Variants in KCNH5 observed in about 807,000 individuals in gnomAD.
The protein encoded by KCNH5 is potassium voltage-gated channel subfamily H member 5, also known as voltage-gated delayed rectifier potassium channel KCNH5.
KCNH5 carries 46 observed loss-of-function variants against 96.1 expected under a neutral mutation model. The observed-to-expected ratio is 0.48, with a 90% CI of 0.38 to 0.61. KCNH5 has a LOEUF of 0.61. Among genes scored for constraint, KCNH5 ranks in the 20% least tolerant of loss-of-function variants. KCNH5 has a pLI of 0.00. For synonymous variants in KCNH5, 439 were observed against 449.8 expected, an observed-to-expected ratio of 0.98 and a Z score of 0.30; for missense variants, 907 against 1,225.8, an observed-to-expected ratio of 0.74 and a Z score of 3.88.
At chr14:62,772,771 G>A (rs1304547061) in intron 10 of KCNH5, among the ~76,000 whole-genome samples, 1 of 151,544 alleles carries the variant, frequency 6.6e-6, no homozygotes, top group Non-Finnish European at 1.5e-5. Flanking sequence ...TTATCAGCAA[G>A]ACAATATTAC....
At chr14:62,959,395 G>A (rs900497000) in intron 6 of KCNH5, among the ~76,000 whole-genome samples, 4 of 152,046 alleles carry the variant, frequency 2.6e-5, no homozygotes, top group African/African-American at 9.7e-5. Flanking sequence ...TATCACACCT[G>A]ATAAAACCTA....
intron 8 of KCNH5, among the ~76,000 whole-genome samples, chr14:62,826,309 T>C (rs1206111425): frequency 6.6e-6 from 1 of 152,066 alleles, no homozygotes; most frequent in African/African-American, 2.4e-5. Context: ...TTGCCAAATT[T>C]CCTTATTTAT....
rs888321797 is a variant in KCNH5, at chr14:62,701,959, T to C, written c.*5549A>G. ...AGTGCAATCAATAAAAATATCTGAA[T>C]AATCTACTTAAAACCCAATGAGTCA... On this transcript the variant is annotated 3_prime_UTR_variant, in exon 11 of 11. Coordinates refer to ENST00000322893, the MANE Select transcript of KCNH5 (RefSeq NM_139318.5). 2 of 152,028 alleles carry C rather than the reference T, an allele frequency of 1.3e-5. No individual in the cohort carries two copies. The highest frequency in any genetic ancestry group is 6.6e-5 in the Admixed American group (1 of 15,238). The allele number at this position is 152,028 out of a possible 1,614,324, so 9.4% of individuals were successfully genotyped here. A position where few individuals can be genotyped will look rare whatever the true frequency, so the allele number is the denominator to read the frequency against.
intron 8 of KCNH5, among the ~76,000 whole-genome samples, chr14:62,825,069 T>C (rs1049527683): frequency 1.3e-5 from 2 of 152,044 alleles, no homozygotes; most frequent in African/African-American, 4.8e-5. Flanking sequence ...AATGAACATA[T>C]GGGTGTACGT....
At chr14:63,002,715 G>C (rs1891033798) in intron 3 of KCNH5, among the ~76,000 whole-genome samples, 1 of 152,080 alleles carries the variant, frequency 6.6e-6, no homozygotes, top group African/African-American at 2.4e-5. Flanking sequence ...TAACTACCAG[G>C]CTCAAGAAGT....
intron 7 of KCNH5, among the ~76,000 whole-genome samples, chr14:62,936,200 C>T (rs1170570752): frequency 6.6e-6 from 1 of 152,122 alleles, no homozygotes; most frequent in Non-Finnish European, 1.5e-5. Flanking sequence ...AGTGAAGACA[C>T]ATGCTTTAGA....
chr14:62,843,922 T>A (rs913979655), intron 8 of KCNH5, among the ~76,000 whole-genome samples: 1 of 152,088 alleles, frequency 6.6e-6, no homozygotes, highest in African/African-American at 2.4e-5. Flanking sequence ...TTTCCCAAAT[T>A]AAAAAAATAT....
chr14:62,742,138 C>T (rs1292221794), intron 10 of KCNH5, among the ~76,000 whole-genome samples: 2 of 152,054 alleles, frequency 1.3e-5, no homozygotes, highest in Admixed American at 6.6e-5. Flanking sequence ...TTAGAAGCTT[C>T]GGATAACTAA....
intron 10 of KCNH5, among the ~76,000 whole-genome samples, chr14:62,709,526 GAAGT>G (rs1339140419): frequency 6.6e-6 from 1 of 152,174 alleles, no homozygotes; most frequent in Non-Finnish European, 1.5e-5. Context: ...GGTTAAGATA[GAAGT>G]ATGTTTTCCA....
chr14:62,784,996 GC>G (rs572981267), intron 9 of KCNH5, among the ~76,000 whole-genome samples: 97 of 152,178 alleles, frequency 6.4e-4, no homozygotes, highest in Non-Finnish European at 1.0e-3. Context: ...AGATAATTCT[GC>G]CCCCAACATC....
intron 10 of KCNH5, among the ~76,000 whole-genome samples, chr14:62,763,845 A>G (rs1885804330): frequency 6.6e-6 from 1 of 152,218 alleles, no homozygotes; most frequent in South Asian, 2.1e-4. Flanking sequence ...AATAAATTGA[A>G]ACACTGAACA....
At chr14:62,728,224 A>AT (rs1884975848) in intron 10 of KCNH5, among the ~76,000 whole-genome samples, 1 of 16,858 alleles carries the variant, frequency 5.9e-5, no homozygotes, top group African/African-American at 7.4e-5. Flanking sequence ...CTATTAAACT[A>AT]CAAAAAAAAA....
chr14:62,937,960 G>A (rs1889716012), intron 7 of KCNH5, among the ~76,000 whole-genome samples: 1 of 152,108 alleles, frequency 6.6e-6, no homozygotes, highest in African/African-American at 2.4e-5. Flanking sequence ...AAACCAACAG[G>A]AAAACTCAAC....
intron 8 of KCNH5, among the ~76,000 whole-genome samples, chr14:62,836,408 A>C (rs201927405): frequency 6.6e-6 from 1 of 152,132 alleles, no homozygotes; most frequent in Non-Finnish European, 1.5e-5. Flanking sequence ...AGTTCAGTAA[A>C]ATTACATATC....
At chr14:62,909,103 T>C (rs1349764052) in intron 7 of KCNH5, among the ~76,000 whole-genome samples, 38 of 128,590 alleles carry the variant, frequency 3.0e-4, no homozygotes, top group Middle Eastern at 4.9e-3. Context: ...TGGAGTGCAG[T>C]GGCGGGATCT....
chr14:62,748,733 T>C (rs1299229757), intron 10 of KCNH5, among the ~76,000 whole-genome samples: 1 of 152,082 alleles, frequency 6.6e-6, no homozygotes, highest in Non-Finnish European at 1.5e-5. Flanking sequence ...GCGAAGGTCG[T>C]TCATAACTGC....
intron 10 of KCNH5, among the ~76,000 whole-genome samples, chr14:62,775,781 C>T (rs1886082665): frequency 6.6e-6 from 1 of 152,206 alleles, no homozygotes; most frequent in Non-Finnish European, 1.5e-5. Flanking sequence ...AATTAACACA[C>T]TTAAGGCCCC....
At chr14:62,918,579 T>C (rs1178806910) in intron 7 of KCNH5, among the ~76,000 whole-genome samples, 1 of 152,126 alleles carries the variant, frequency 6.6e-6, no homozygotes, top group Non-Finnish European at 1.5e-5. Flanking sequence ...GAGGACATAG[T>C]AGGCAATTTG....
chr14:62,732,870 A>T (rs1013119215), intron 10 of KCNH5, among the ~76,000 whole-genome samples: 1 of 152,032 alleles, frequency 6.6e-6, no homozygotes, highest in Non-Finnish European at 1.5e-5. Context: ...CGGTCTTGAT[A>T]CAGTTTCTCT....
Sources: allele counts gnomAD v4.1 joint callset (sites outside exome capture counted in the v4.1 genomes callset), GRCh38; gene constraint gnomAD v4.1.1; transcripts MANE v1.5; gene names NCBI Gene and HGNC (gene_info 2026-07-23, HGNC 2026-07-21).